Variants in RAD9B observed in about 807,000 individuals in gnomAD.
RAD9B encodes the protein RAD9 checkpoint clamp component B, also known as cell cycle checkpoint control protein RAD9B.
RAD9B carries 41 observed loss-of-function variants against 48.3 expected under a neutral mutation model. The ratio of observed to expected loss-of-function variants is 0.85; its 90% confidence interval spans 0.66 to 1.10. The LOEUF is 1.10. Ranked by LOEUF, RAD9B falls within the 50% of genes least tolerant of loss-of-function variation. The probability of loss-of-function intolerance (pLI) is 0.00; values close to 1 mark genes in which losing one functional copy is unlikely to be tolerated. For missense variants in RAD9B, 444 were observed against 485.1 expected (o/e 0.92, Z 0.80); for synonymous variants, 160 against 157.9 (o/e 1.01, Z -0.10).
Position 110,531,651 on chromosome 12 carries a change from G to T in RAD9B, c.*998G>T. Reference sequence around the variant, plus strand: ...CTGACATAGAACAGTATCCTCCACTGCCAAGACAGCCTGAGTTTGGAGTGG... The same window carrying T: ...CTGACATAGAACAGTATCCTCCACTTCCAAGACAGCCTGAGTTTGGAGTGG... On this transcript the variant is annotated 3_prime_UTR_variant, in exon 11 of 11. Transcript: ENST00000409300. The T allele has an allele frequency of 6.2e-7, 1 of 1,605,570 alleles. No individual in the cohort carries two copies.
At position 110,529,705 on chromosome 12, in the gene RAD9B, C is replaced by T. The variant is rs76214868; in HGVS notation, c.1126-820C>T. 4.7e-3 allele frequency among the ~76,000 whole-genome samples: 720 copies of T among 152,228 alleles called. 5 individuals are homozygous for T. Among genetic ancestry groups the T allele is most frequent in the Middle Eastern group, 0.01 (3 of 292 alleles). On this transcript the variant is annotated intron_variant, in intron 10 of 10. Transcript: ENST00000409300. The stretch of plus-strand genomic sequence containing the variant: ...GCTGCGGTGAGACGTGATCACACAG[C>T]TGCACTGCAACCTGGGCAATAGGGC...
At chr12:110,521,409 C>T (rs2063780983) in intron 9 of RAD9B, among the ~76,000 whole-genome samples, 1 of 152,132 alleles carries the variant, frequency 6.6e-6, no homozygotes, top group Admixed American at 6.6e-5. Flanking sequence ...CTGCCTCGGC[C>T]TCCCAGAGTG....
chr12:110,524,312 C>T (rs1329701727), intron 10 of RAD9B, among the ~76,000 whole-genome samples: 3 of 152,286 alleles, frequency 2.0e-5, no homozygotes, highest in Non-Finnish European at 4.4e-5. Context: ...CCTGTAATCC[C>T]AGCACTTTGG....
chr12:110,519,409 T>TTTTTTGTTG (rs573468586), intron 8 of RAD9B, among the ~76,000 whole-genome samples: 15 of 116,784 alleles, frequency 1.3e-4, no homozygotes, highest in Non-Finnish European at 2.3e-4. Context: ...CGGCCTACTG[T>TTTTTTGTTG]TTGTTGTTGT....
chr12:110,509,409 T>C (rs1437836534), intron 4 of RAD9B, among the ~76,000 whole-genome samples: 1 of 152,042 alleles, frequency 6.6e-6, no homozygotes, highest in Admixed American at 6.6e-5. Context: ...CCACCACACC[T>C]GGCTAATTTT....
At chr12:110,523,373 G>A (rs1489196133) in intron 10 of RAD9B, among the ~76,000 whole-genome samples, 1 of 152,110 alleles carries the variant, frequency 6.6e-6, no homozygotes, top group Non-Finnish European at 1.5e-5. Flanking sequence ...GCTTCAGTGA[G>A]CTATGATCGC....
At chr12:110,518,151 A>G (rs1281205866) in intron 6 of RAD9B, among the ~76,000 whole-genome samples, 2 of 152,088 alleles carry the variant, frequency 1.3e-5, no homozygotes, top group Non-Finnish European at 2.9e-5. Context: ...AGATTGTGCC[A>G]CTGCACTCCA....
intron 4 of RAD9B, among the ~76,000 whole-genome samples, chr12:110,507,735 C>T (rs1159394936): frequency 6.6e-6 from 1 of 150,904 alleles, no homozygotes; most frequent in East Asian, 1.9e-4. Flanking sequence ...ACTGCAACCT[C>T]TACCTCCTGG....
At chr12:110,526,288 G>T (rs2063934166) in intron 10 of RAD9B, among the ~76,000 whole-genome samples, 1 of 152,056 alleles carries the variant, frequency 6.6e-6, no homozygotes, top group South Asian at 2.1e-4. Flanking sequence ...ATTTCTAGTT[G>T]CATGGGTGTT....
chr12:110,526,675 C>T (rs931740982), intron 10 of RAD9B, among the ~76,000 whole-genome samples: 7 of 151,966 alleles, frequency 4.6e-5, no homozygotes, highest in Non-Finnish European at 8.8e-5. Context: ...TTTGGGAGAC[C>T]GAGACAGGCA....
At chr12:110,506,844 T>C (rs2063288419) in intron 4 of RAD9B, among the ~76,000 whole-genome samples, 151 bp downstream of exon 4, 1 of 135,232 alleles carries the variant, frequency 7.4e-6, no homozygotes, top group Admixed American at 7.5e-5. Flanking sequence ...AGTATTATCC[T>C]TTTTTTTTTT....
intron 6 of RAD9B, among the ~76,000 whole-genome samples, chr12:110,517,623 CA>C (rs920342628): frequency 1.8e-4 from 26 of 145,158 alleles, no homozygotes; most frequent in Non-Finnish European, 2.4e-4. Flanking sequence ...GACTCCATCT[CA>C]AAAAAAAAAT....
At chr12:110,520,765 C>T (rs1253346277) in intron 9 of RAD9B, among the ~76,000 whole-genome samples, 1 of 151,286 alleles carries the variant, frequency 6.6e-6, no homozygotes, top group African/African-American at 2.4e-5. Context: ...ATTCTCCTGC[C>T]TCAGCCTCCC....
At chr12:110,514,027 C>CCTT (rs1565887131) in intron 5 of RAD9B, among the ~76,000 whole-genome samples, 1 of 150,614 alleles carries the variant, frequency 6.6e-6, no homozygotes, top group East Asian at 1.9e-4. Flanking sequence ...CACATCTGGT[C>CCTT]CCTTCCTTCC....
chr12:110,530,041 G>A (rs1027187027), intron 10 of RAD9B, among the ~76,000 whole-genome samples: 4 of 151,776 alleles, frequency 2.6e-5, no homozygotes, highest in African/African-American at 7.3e-5. Flanking sequence ...GGAAAGGTTT[G>A]TTTTTTTTGT....
chr12:110,519,945 C>T, intron 9 of RAD9B, 29 bp downstream of exon 9: 1 of 1,601,714 alleles, frequency 6.2e-7, no homozygotes, highest in Non-Finnish European at 8.5e-7. Context: ...TTCTTTATTA[C>T]TTGGGACAAG....
At chr12:110,513,117 C>T (rs998323870) in intron 5 of RAD9B, among the ~76,000 whole-genome samples, 4 of 151,984 alleles carry the variant, frequency 2.6e-5, no homozygotes, top group Admixed American at 2.0e-4. Flanking sequence ...AGGCGCCCAC[C>T]GCCACTCCTG....
In RAD9B at chr12:110,515,123, T is replaced by G. The variant is rs1334344831; in HGVS notation, c.562T>G (p.Phe188Val). The change falls in exon 6 of 11, where the codon TTT becomes GTT. Residue 188 changes from phenylalanine to valine, a missense_variant. Physicochemically the swap from Phe to Val is conservative, Grantham distance 50. Coordinates refer to ENST00000409300, the MANE Select transcript of RAD9B (RefSeq NM_001286535.2). ...EVTLAVTPLN[F>V]CLKSSNEESM... ...TACTCTTGCTGTTACTCCACTGAATTTTTGCCTCAAGAGTTCTAATGAGGA... is the reference window on the plus strand; with the variant it reads ...TACTCTTGCTGTTACTCCACTGAATGTTTGCCTCAAGAGTTCTAATGAGGA... 1 of 1,554,846 alleles carries G rather than the reference T, an allele frequency of 6.4e-7. No homozygotes were observed. Among genetic ancestry groups the G allele is most frequent in the Admixed American group, 1.9e-5 (1 of 51,364 alleles).
At chr12:110,511,966 C>T (rs1315784152) in intron 4 of RAD9B, among the ~76,000 whole-genome samples, 1 of 152,008 alleles carries the variant, frequency 6.6e-6, no homozygotes, top group Non-Finnish European at 1.5e-5. Context: ...CCTGCCTCAG[C>T]CTCCCAAGTA....
Sources: allele counts gnomAD v4.1 joint callset (sites outside exome capture counted in the v4.1 genomes callset), GRCh38; gene constraint gnomAD v4.1.1; transcripts MANE v1.5; gene names NCBI Gene and HGNC (gene_info 2026-07-23, HGNC 2026-07-21).